Variants in NTM observed in about 807,000 individuals in gnomAD.
NTM encodes the protein IgLON family member 2.
In NTM, 13 loss-of-function variants were observed where a neutral mutation model predicts 42.1. The observed-to-expected ratio is 0.31, with a 90% confidence interval of 0.20 to 0.49. The LOEUF is 0.49. Among genes scored for constraint, NTM ranks in the 20% least tolerant of loss-of-function variants. The pLI, the probability that NTM is intolerant of heterozygous loss-of-function variation, is 0.99. For missense variants in NTM, 373 were observed against 452.8 expected (o/e 0.82, Z 1.60); for synonymous variants, 187 against 179.2 (o/e 1.04, Z -0.35).
chr11:131,767,441 T>C (rs535305554), intron 1 of NTM, among the ~76,000 whole-genome samples: 1 of 152,198 alleles, frequency 6.6e-6, no homozygotes, highest in South Asian at 2.1e-4. Context: ...CATATTTGTG[T>C]CTCCCCCAAA....
At chr11:132,283,187 A>T (rs992624461) in intron 4 of NTM, among the ~76,000 whole-genome samples, 21 of 151,820 alleles carry the variant, frequency 1.4e-4, no homozygotes, top group African/African-American at 5.1e-4. Context: ...GGGTTTCACC[A>T]TGTTGGCCAG....
chr11:132,004,326 T>C (rs77910680), intron 2 of NTM, among the ~76,000 whole-genome samples: 10 of 152,334 alleles, frequency 6.6e-5, no homozygotes, highest in East Asian at 1.9e-4. Flanking sequence ...TCTCATTACA[T>C]CTGTCAAAAT....
chr11:131,565,015 C>T (rs1271000968), intron 1 of NTM, among the ~76,000 whole-genome samples: 8 of 152,320 alleles, frequency 5.3e-5, no homozygotes, highest in Middle Eastern at 3.4e-3. Context: ...TGGGACAGGA[C>T]GACATACTCC....
At chr11:131,503,472 A>T (rs1175601309) in intron 1 of NTM, among the ~76,000 whole-genome samples, 1 of 152,094 alleles carries the variant, frequency 6.6e-6, no homozygotes, top group Non-Finnish European at 1.5e-5. Flanking sequence ...GTGCACCAGG[A>T]AAACGGACTG....
chr11:131,967,685 A>G (rs1269445818), intron 2 of NTM, among the ~76,000 whole-genome samples: 1 of 152,216 alleles, frequency 6.6e-6, no homozygotes, highest in Non-Finnish European at 1.5e-5. Context: ...GCCTGAAACG[A>G]AGGTTTTTGT....
At chr11:132,327,726 G>A (rs2136387587) in intron 7 of NTM, among the ~76,000 whole-genome samples, 1 of 152,202 alleles carries the variant, frequency 6.6e-6, no homozygotes, top group East Asian at 1.9e-4. Context: ...TTAGAGATGG[G>A]ATGGGAGGGT....
At chr11:132,282,635 A>C (rs1389058872) in intron 4 of NTM, among the ~76,000 whole-genome samples, 3 of 152,220 alleles carry the variant, frequency 2.0e-5, no homozygotes, top group Non-Finnish European at 4.4e-5. Flanking sequence ...TAATTAATTA[A>C]AAATGTGGGA....
At chr11:131,884,464 T>A (rs751095774) in intron 1 of NTM, among the ~76,000 whole-genome samples, 1 of 150,702 alleles carries the variant, frequency 6.6e-6, no homozygotes, top group Non-Finnish European at 1.5e-5. Flanking sequence ...AGTTAGAAGG[T>A]TTTAATATTC....
chr11:131,844,856 T>C (rs969056), intron 1 of NTM, among the ~76,000 whole-genome samples: 101,839 of 152,044 alleles, frequency 0.67, 34,965 homozygotes, highest in Non-Finnish European at 0.74. Context: ...TTCTAATTAA[T>C]CATTAGATTC....
rs1025803245 is a variant in NTM at position 131,798,186 on chromosome 11, G to A, written c.83-113378G>A. Reference sequence around the variant, plus strand: ...AAATTAACTGAAGGTTTGCCGTAGCGTGGTCCTCATGATCTCCATCTTGTT... The same window carrying A: ...AAATTAACTGAAGGTTTGCCGTAGCATGGTCCTCATGATCTCCATCTTGTT... On this transcript the variant is annotated intron_variant, in intron 1 of 8. Coordinates refer to ENST00000683400, the MANE Select transcript of NTM (RefSeq NM_001352005.2). Among the ~76,000 whole-genome samples the A allele has an allele frequency of 4.6e-5, 7 of 152,298 alleles. No individual in the cohort carries two copies. In the South Asian group the frequency reaches 8.3e-4, roughly 18 times the overall value.
At chr11:132,141,381 C>A (rs1164099850) in intron 2 of NTM, among the ~76,000 whole-genome samples, 2 of 152,122 alleles carry the variant, frequency 1.3e-5, no homozygotes, top group African/African-American at 4.8e-5. Context: ...CTTGGGCTTG[C>A]TTAATCATTT....
At chr11:131,666,676 C>T (rs1216260424) in intron 1 of NTM, among the ~76,000 whole-genome samples, 2 of 152,106 alleles carry the variant, frequency 1.3e-5, no homozygotes, top group African/African-American at 2.4e-5. Flanking sequence ...TCCCAGAGTC[C>T]CCGACCCACA....
chr11:132,216,620 C>G (rs2083913735), intron 4 of NTM, among the ~76,000 whole-genome samples: 1 of 152,188 alleles, frequency 6.6e-6, no homozygotes, highest in Admixed American at 6.5e-5. Flanking sequence ...TTTCAATGTC[C>G]CTGTCCCATG....
At chr11:132,172,653 A>G (rs2076273386) in intron 3 of NTM, among the ~76,000 whole-genome samples, 2 of 152,224 alleles carry the variant, frequency 1.3e-5, no homozygotes. Flanking sequence ...CTCACAAGAT[A>G]TATAATTTTC....
intron 1 of NTM, among the ~76,000 whole-genome samples, chr11:131,536,310 C>A (rs965672403): frequency 6.6e-6 from 1 of 152,110 alleles, no homozygotes; most frequent in Non-Finnish European, 1.5e-5. Flanking sequence ...GAGAGCAAAC[C>A]AATGGCACAT....
At chr11:131,881,477 TACACAC>T (rs34722610) in intron 1 of NTM, among the ~76,000 whole-genome samples, 20 of 104,638 alleles carry the variant, frequency 1.9e-4, no homozygotes, top group South Asian at 5.5e-4. Context: ...AGCTCTCAGT[TACACAC>T]ACACACACAC....
At chr11:131,434,032 G>A (rs1280600476) in intron 1 of NTM, among the ~76,000 whole-genome samples, 1 of 152,134 alleles carries the variant, frequency 6.6e-6, no homozygotes, top group Non-Finnish European at 1.5e-5. Flanking sequence ...CCACCTATGA[G>A]TGAGAACATG....
At chr11:131,881,840 C>G (rs2049579811) in intron 1 of NTM, among the ~76,000 whole-genome samples, 1 of 152,172 alleles carries the variant, frequency 6.6e-6, no homozygotes, top group Non-Finnish European at 1.5e-5. Context: ...CTTGAAGAGA[C>G]AGGGCTGTGG....
chr11:131,799,345 A>G (rs1196367060), intron 1 of NTM, among the ~76,000 whole-genome samples: 1 of 152,236 alleles, frequency 6.6e-6, no homozygotes, highest in Non-Finnish European at 1.5e-5. Flanking sequence ...CCTGGGACAC[A>G]TCAGGAAATG....
Sources: allele counts gnomAD v4.1 joint callset (sites outside exome capture counted in the v4.1 genomes callset), GRCh38; gene constraint gnomAD v4.1.1; transcripts MANE v1.5; gene names NCBI Gene and HGNC (gene_info 2026-07-23, HGNC 2026-07-21).